The following NHS variants were observed in gnomAD, a reference collection of about 807,000 sequenced individuals.
The protein encoded by NHS is NHS actin remodeling regulator.
In NHS, 5 loss-of-function variants were observed where a neutral mutation model predicts 72.5. The ratio of observed to expected loss-of-function variants is 0.07; its 90% confidence interval spans 0.04 to 0.14. The LOEUF (loss-of-function observed/expected upper bound fraction) is 0.14, where lower values mean the gene tolerates loss of function less well. NHS is among the 10% of genes least tolerant of loss of function. The pLI, the probability that NHS is intolerant of heterozygous loss-of-function variation, is 1.00. For missense variants in NHS, 1,072 were observed against 1,355.7 expected, an observed-to-expected ratio of 0.79 and a Z score of 3.29; for synonymous variants, 464 against 547.7, an observed-to-expected ratio of 0.85 and a Z score of 2.13.
chrX:17,554,369 T>G (rs1001547999), intron 1 of NHS, among the ~76,000 whole-genome samples: 1 of 111,667 alleles, frequency 9.0e-6, no homozygotes, highest in African/African-American at 3.3e-5. Context: ...CAGAGACCTT[T>G]TAGACACTCC....
intron 1 of NHS, among the ~76,000 whole-genome samples, chrX:17,664,679 T>C (rs1601824543): frequency 2.7e-5 from 3 of 112,485 alleles, no homozygotes; most frequent in African/African-American, 9.7e-5. Context: ...TTGTTTTAGC[T>C]ATTCTAGAAC....
intron 8 of NHS, among the ~76,000 whole-genome samples, chrX:17,730,551 A>G (rs16997201): frequency 0.013 from 1,457 of 112,021 alleles, 30 homozygotes; most frequent in African/African-American, 0.045. Flanking sequence ...TTTCTCTACC[A>G]TATGAATCTT....
At chrX:17,728,367 T>A in intron 7 of NHS, 39 bp downstream of exon 7, 1 of 1,146,033 alleles carries the variant, frequency 8.7e-7, no homozygotes, top group Non-Finnish European at 1.2e-6. Context: ...GAAATGTGTC[T>A]CATGGCACTT....
intron 1 of NHS, among the ~76,000 whole-genome samples, chrX:17,623,497 G>A (rs1283671072): frequency 4.5e-5 from 5 of 111,006 alleles, no homozygotes; most frequent in African/African-American, 1.6e-4. Flanking sequence ...GGGGTAGGGG[G>A]GAGGTGGAAC....
At chrX:17,639,363 C>G (rs1160253546) in intron 1 of NHS, among the ~76,000 whole-genome samples, 2 of 111,644 alleles carry the variant, frequency 1.8e-5, no homozygotes, top group Non-Finnish European at 3.8e-5. Context: ...TAACAGAATA[C>G]CACAGACTGG....
At chrX:17,574,182 G>A (rs1203104760) in intron 1 of NHS, among the ~76,000 whole-genome samples, 1 of 112,068 alleles carries the variant, frequency 8.9e-6, no homozygotes, top group East Asian at 2.8e-4. Context: ...GAGCTCGAAC[G>A]CCATGCTGGG....
chrX:17,447,700 A>T (rs1222249820), intron 1 of NHS, among the ~76,000 whole-genome samples: 2 of 110,012 alleles, frequency 1.8e-5, no homozygotes, highest in Admixed American at 9.8e-5. Flanking sequence ...CTTTGAAAAC[A>T]AATAGACACA....
intron 1 of NHS, among the ~76,000 whole-genome samples, chrX:17,499,292 G>A (rs2065027063): frequency 9.0e-6 from 1 of 110,975 alleles, no homozygotes; most frequent in Admixed American, 9.6e-5. Context: ...GGGGACTCAG[G>A]GACTTACTGT....
At chrX:17,566,209 C>T (rs919315461) in intron 1 of NHS, among the ~76,000 whole-genome samples, 1 of 110,323 alleles carries the variant, frequency 9.1e-6, no homozygotes, top group African/African-American at 3.3e-5. Flanking sequence ...TCTCTAACTC[C>T]TGGGCTCAAG....
chrX:17,399,673 A>G (rs2064494229), intron 1 of NHS, among the ~76,000 whole-genome samples: 1 of 111,890 alleles, frequency 8.9e-6, no homozygotes, highest in African/African-American at 3.2e-5. Context: ...AATAAGTCTA[A>G]GATAGACCCC....
intron 1 of NHS, among the ~76,000 whole-genome samples, chrX:17,553,929 G>C (rs2065351090): frequency 8.9e-6 from 1 of 111,890 alleles, no homozygotes; most frequent in African/African-American, 3.3e-5. Flanking sequence ...CAACACAACA[G>C]AACTTCTGTG....
chrX:17,509,592 T>C (rs1177829676), intron 1 of NHS, among the ~76,000 whole-genome samples: 1 of 112,081 alleles, frequency 8.9e-6, no homozygotes, highest in East Asian at 2.8e-4. Context: ...TACCTAGGGT[T>C]TTCATTTGGC....
At chrX:17,448,628 T>A (rs2064792832) in intron 1 of NHS, among the ~76,000 whole-genome samples, 1 of 111,818 alleles carries the variant, frequency 8.9e-6, no homozygotes, top group Non-Finnish European at 1.9e-5. Flanking sequence ...GGCAAATATG[T>A]TCCTTATGAA....
intron 1 of NHS, among the ~76,000 whole-genome samples, chrX:17,504,564 C>T (rs2065048353): frequency 8.9e-6 from 1 of 111,936 alleles, no homozygotes; most frequent in African/African-American, 3.2e-5. Flanking sequence ...CCCATATATT[C>T]TTGGGCTTTT....
chrX:17,607,862 A>C (rs2065688953), intron 1 of NHS, among the ~76,000 whole-genome samples: 1 of 109,275 alleles, frequency 9.2e-6, no homozygotes, highest in Non-Finnish European at 1.9e-5. Flanking sequence ...ATATGGCATC[A>C]AGACCCCTTT....
chrX:17,479,461 T>A (rs2146908806), intron 1 of NHS, among the ~76,000 whole-genome samples: 1 of 112,454 alleles, frequency 8.9e-6, no homozygotes, highest in African/African-American at 3.2e-5. Context: ...TGGTTCTAGA[T>A]CCTTGAGGAA....
At chrX:17,610,508 G>A (rs1026874195) in intron 1 of NHS, among the ~76,000 whole-genome samples, 1 of 111,935 alleles carries the variant, frequency 8.9e-6, no homozygotes, top group African/African-American at 3.3e-5. Context: ...GTAGATTTTG[G>A]TGGGAATCTG....
chrX:17,615,670 A>T (rs2065741784), intron 1 of NHS, among the ~76,000 whole-genome samples: 1 of 109,967 alleles, frequency 9.1e-6, no homozygotes, highest in Admixed American at 9.7e-5. Flanking sequence ...GGACTTTTCA[A>T]ACCTCATCTG....
At chrX:17,600,296 G>C (rs34894005) in intron 1 of NHS, among the ~76,000 whole-genome samples, 6,760 of 109,645 alleles carry the variant, frequency 0.062, 509 homozygotes, top group African/African-American at 0.21. Flanking sequence ...CAGAGAGAGA[G>C]AGAGAGAGAG....
Sources: gnomAD v4.1 joint callset for allele counts (sites outside exome capture counted in the v4.1 genomes callset) on GRCh38, gnomAD v4.1.1 for gene constraint, MANE v1.5 for transcripts, NCBI Gene and HGNC (gene_info 2026-07-23, HGNC 2026-07-21) for gene names.